Variants in NCKAP1L observed in about 807,000 individuals in gnomAD.
The protein encoded by NCKAP1L is NCK associated protein 1 like.
NCKAP1L carries 53 observed loss-of-function variants against 139.2 expected under a neutral mutation model. The observed-to-expected ratio is 0.38, with a 90% CI of 0.31 to 0.48. The LOEUF (loss-of-function observed/expected upper bound fraction) is 0.48. Ranked by LOEUF, NCKAP1L falls within the 20% of genes least tolerant of loss-of-function variation. NCKAP1L has a pLI of 0.98. For missense variants in NCKAP1L, 1,151 were observed against 1,381.9 expected (o/e 0.83, Z 2.65); for synonymous variants, 468 against 499.7 (o/e 0.94, Z 0.85).
At chr12:54,535,520 T>C (rs1957108060) in intron 27 of NCKAP1L, among the ~76,000 whole-genome samples, 1 of 152,170 alleles carries the variant, frequency 6.6e-6, no homozygotes, top group South Asian at 2.1e-4. Context: ...AATAAATTAA[T>C]GCAAATGAAA....
intron 18 of NCKAP1L, among the ~76,000 whole-genome samples, chr12:54,522,409 G>T (rs942171436): frequency 2.6e-5 from 4 of 152,156 alleles, no homozygotes; most frequent in Non-Finnish European, 5.9e-5. Flanking sequence ...AACATGATGC[G>T]AATAATTTTC....
Position 54,517,940 on chromosome 12 carries a change from TATG to T in NCKAP1L, c.1338+5_1338+7del, listed in dbSNP as rs1565676914. On this transcript the variant is annotated splice_donor_5th_base_variant and intron_variant, in intron 13 of 30. Coordinates refer to ENST00000293373, the MANE Select transcript of NCKAP1L (RefSeq NM_005337.5). ...CTTGTGCTCAGTGACATCATTCAGGTATGATATTTAATTGATTATACTTTGGAA... is the reference window on the plus strand; with the variant it reads ...CTTGTGCTCAGTGACATCATTCAGGTATATTTAATTGATTATACTTTGGAA... 6.2e-7 allele frequency: 1 copy of T among 1,614,058 alleles called. No homozygotes were observed. The highest frequency in any genetic ancestry group is 2.2e-5 in the East Asian group (1 of 44,880).
intron 28 of NCKAP1L, 164 bp downstream of exon 28, chr12:54,536,409 T>A (rs768232918): frequency 7.3e-6 from 4 of 546,540 alleles, no homozygotes; most frequent in Non-Finnish European, 1.3e-5. Context: ...CCTGTAATCC[T>A]AGCACTTTGG....
chr12:54,523,411 T>G lies in NCKAP1L; in HGVS notation c.1896T>G (p.Cys632Trp). ...NLSEQLLPKH[C>W]ATTISKAKNK... is the part of the protein sequence containing the mutation. Reference sequence around the variant, plus strand: ...TTCTGAAGCTTCTACCTAAGCACTGTGCCACTACAATCAGCAAAGCCAAGA... The same window carrying G: ...TTCTGAAGCTTCTACCTAAGCACTGGGCCACTACAATCAGCAAAGCCAAGA... Residue 632 changes from cysteine (C) to tryptophan (W), a missense_variant, in exon 19 of 31, where the codon TGT becomes TGG. Transcript: ENST00000293373. 6.2e-7 allele frequency: 1 copy of G among 1,614,036 alleles called. No homozygotes were observed. Among genetic ancestry groups the G allele is most frequent in the Non-Finnish European group, 8.5e-7 (1 of 1,179,990 alleles).
At position 54,537,015 on chromosome 12, in the gene NCKAP1L, A is replaced by T; in HGVS notation, c.3145A>T (p.Asn1049Tyr). The change falls in exon 29 of 31, where the codon AAC (asparagine) becomes TAC (tyrosine). Residue 1049 changes from asparagine to tyrosine, a missense_variant. Transcript: ENST00000293373. ...QVSAALFTLY[N>Y]KNIETHLKEF... ...GTCTGCTGCCCTCTTCACGCTCTACAACAAGAACATTGAAACTCACCTCAA... is the reference window on the plus strand; with the variant it reads ...GTCTGCTGCCCTCTTCACGCTCTACTACAAGAACATTGAAACTCACCTCAA... 6.2e-7 allele frequency: 1 copy of T among 1,613,580 alleles called. No individual in the cohort carries two copies. The highest frequency in any genetic ancestry group is 8.5e-7 in the Non-Finnish European group (1 of 1,179,600).
In NCKAP1L at chr12:54,508,501, A is replaced by C. The variant is rs200217462; in HGVS notation, c.476A>C (p.Asn159Thr). 6.2e-7 allele frequency: 1 copy of C among 1,614,028 alleles called. No individual in the cohort carries two copies. The highest frequency in any genetic ancestry group is 8.5e-7 in the Non-Finnish European group (1 of 1,179,996). ...EDRRILIGMY[N>T]CAHEMLHGHG... is the part of the protein sequence containing the mutation. ...CGGCGGATACTCATTGGCATGTACA[A>C]TTGTGCCCATGAGATGCTGCATGGG... is the stretch of plus-strand genomic sequence containing the variant. Residue 159 changes from asparagine (N) to threonine (T), a missense_variant, in exon 5 of 31, where the codon AAT (asparagine) becomes ACT (threonine). Coordinates refer to ENST00000293373, the MANE Select transcript of NCKAP1L (RefSeq NM_005337.5).
chr12:54,506,794 AAAATATAT>A (rs1190878371), intron 3 of NCKAP1L, among the ~76,000 whole-genome samples: 2 of 23,748 alleles, frequency 8.4e-5, no homozygotes, highest in East Asian at 7.2e-3. Context: ...TTAAAAAAAA[AAAATATAT>A]ATATATATAT....
intron 16 of NCKAP1L, among the ~76,000 whole-genome samples, chr12:54,519,829 G>A (rs1956967503): frequency 6.6e-6 from 1 of 150,790 alleles, no homozygotes; most frequent in Non-Finnish European, 1.5e-5. Flanking sequence ...GGGGTAGTTA[G>A]CCCATATGTC....
intron 16 of NCKAP1L, among the ~76,000 whole-genome samples, chr12:54,520,060 A>G (rs1050390219): frequency 2.6e-5 from 4 of 152,222 alleles, no homozygotes; most frequent in Non-Finnish European, 5.9e-5. Context: ...ACTGTTGTAC[A>G]TAATTCCACC....
intron 22 of NCKAP1L, among the ~76,000 whole-genome samples, chr12:54,529,820 A>C (rs1957053623): frequency 1.3e-5 from 2 of 152,166 alleles, no homozygotes; most frequent in Non-Finnish European, 2.9e-5. Context: ...GATAGATGGA[A>C]AGAGAAGGAT....
intron 30 of NCKAP1L, among the ~76,000 whole-genome samples, chr12:54,541,874 G>A (rs1957160763): frequency 1.3e-5 from 2 of 151,918 alleles, no homozygotes; most frequent in Admixed American, 1.3e-4. Flanking sequence ...TCAGGGATGG[G>A]GACCCTCCAG....
At chr12:54,527,184 A>G (rs529722724) in intron 21 of NCKAP1L, among the ~76,000 whole-genome samples, 2 of 152,274 alleles carry the variant, frequency 1.3e-5, no homozygotes, top group Admixed American at 6.5e-5. Flanking sequence ...TGTTCTTAAT[A>G]GAGAAGGGAG....
intron 3 of NCKAP1L, among the ~76,000 whole-genome samples, chr12:54,505,927 G>T (rs1323819849): frequency 6.6e-6 from 1 of 152,214 alleles, no homozygotes; most frequent in Non-Finnish European, 1.5e-5. Flanking sequence ...CTCCCAAAGT[G>T]CTGGGATTAC....
In NCKAP1L at chr12:54,545,225, T is replaced by C. The variant is rs1225461353; in HGVS notation, c.*2540T>C. 6 of 152,374 alleles carry C rather than the reference T, an allele frequency of 3.9e-5. No homozygotes were observed. The East Asian group carries it at 1.2e-3, about 29-fold the overall frequency. The allele number at this position is 152,374 out of a possible 1,614,324, so 9.4% of individuals were successfully genotyped here. On this transcript the variant is annotated 3_prime_UTR_variant, in exon 31 of 31. Coordinates refer to ENST00000293373, the MANE Select transcript of NCKAP1L (RefSeq NM_005337.5). ...TACACACATATTTCTCTACCACTTATACTTTTTCAAAGTGCTTTCACATCC... is the reference window on the plus strand; with the variant it reads ...TACACACATATTTCTCTACCACTTACACTTTTTCAAAGTGCTTTCACATCC...
Position 54,531,740 on chromosome 12 carries a change from CAG to C in NCKAP1L, c.2699-2_2699-1del, listed in dbSNP as rs773764773. The C allele has an allele frequency of 1.9e-6, 3 of 1,610,646 alleles. No homozygotes were observed. The highest frequency in any genetic ancestry group is 1.7e-6 in the Non-Finnish European group (2 of 1,177,062). Reference sequence around the variant, plus strand: ...CTTTTCTAACACGCTTCTTTCTCCTCAGGGGCTGAAAATGTGCTAAAGCGCAT... The same window carrying C: ...CTTTTCTAACACGCTTCTTTCTCCTCGGGCTGAAAATGTGCTAAAGCGCAT... On this transcript the variant is annotated splice_acceptor_variant, in intron 24 of 30. Transcript: ENST00000293373. LOFTEE classifies it high-confidence loss of function.
In NCKAP1L at chr12:54,532,175, C is replaced by A; in HGVS notation, c.2787C>A (p.Phe929Leu). ...TTATCTTCTCTTTCCTCCAGGTTTT[C>A]TCCTCCCACTGCCCATTTCTTATGG... ...AMAQEGLREV[F>L]SSHCPFLMGP... Residue 929 changes from phenylalanine to leucine, a missense_variant, in exon 26 of 31, where the codon TTC becomes TTA. Phe to Leu is a conservative substitution (Grantham distance 22). Coordinates refer to ENST00000293373, the MANE Select transcript of NCKAP1L (RefSeq NM_005337.5). 1 of 1,606,622 alleles carries A rather than the reference C, an allele frequency of 6.2e-7. No homozygotes were observed. The highest frequency in any genetic ancestry group is 1.1e-5 in the South Asian group (1 of 90,230).
Position 54,536,966 on chromosome 12 carries a change from C to T in NCKAP1L, c.3096C>T (p.Cys1032=), listed in dbSNP as rs1425537751. 1 of 1,612,828 alleles carries T rather than the reference C, an allele frequency of 6.2e-7. No homozygotes were observed. Among genetic ancestry groups the T allele is most frequent in the African/African-American group, 1.3e-5 (1 of 74,988 alleles). Residue 1032 remains cysteine, a synonymous_variant, in exon 29 of 31, where the codon TGC becomes TGT. Transcript: ENST00000293373. ...TAGGTTACAACAACAATATTCATTG[C>T]TTGACCAAAGCCATCATCCAGGTGT... is the stretch of plus-strand genomic sequence containing the variant. ...EKDGYNNNIH[C]LTKAIIQVSA...
rs936468907 is a variant in NCKAP1L at position 54,547,490 on chromosome 12, T to G, written c.*4805T>G. 8.4e-6 allele frequency: 1 copy of G among 119,068 alleles called. No homozygotes were observed. Among genetic ancestry groups the G allele is most frequent in the Admixed American group, 9.2e-5 (1 of 10,880 alleles). 7.4% of individuals were successfully genotyped at this position (119,068 alleles called of 1,614,324 possible). A position where few individuals can be genotyped will look rare whatever the true frequency, so the allele number is the denominator to read the frequency against. On this transcript the variant is annotated 3_prime_UTR_variant, in exon 31 of 31. Transcript: ENST00000293373. ...TCTAATGTCTCTTTCACGAATAACTTTGTGTGTGTGTGCGTGTGTGTGTGT... is the reference window on the plus strand; with the variant it reads ...TCTAATGTCTCTTTCACGAATAACTGTGTGTGTGTGTGCGTGTGTGTGTGT...
rs1453211623 is a variant in NCKAP1L at position 54,497,767 on chromosome 12, G to C, written c.-23G>C. ...TGGGGAGATCAGACATTGCTGTCTG[G>C]TGCTCCTCTCTCAGTGGCCATCATG... is the stretch of plus-strand genomic sequence containing the variant. On this transcript the variant is annotated 5_prime_UTR_variant, in exon 1 of 31. Coordinates refer to ENST00000293373, the MANE Select transcript of NCKAP1L (RefSeq NM_005337.5). 1 of 1,493,330 alleles carries C rather than the reference G, an allele frequency of 6.7e-7. No individual in the cohort carries two copies. Among genetic ancestry groups the C allele is most frequent in the East Asian group, 2.3e-5 (1 of 44,294 alleles). 92.5% of individuals were successfully genotyped at this position (1,493,330 alleles called of 1,614,324 possible). A position where few individuals can be genotyped will look rare whatever the true frequency, so the allele number is the denominator to read the frequency against.
Sources: gnomAD v4.1 joint callset for allele counts (sites outside exome capture counted in the v4.1 genomes callset) on GRCh38, gnomAD v4.1.1 for gene constraint, MANE v1.5 for transcripts, NCBI Gene and HGNC (gene_info 2026-07-23, HGNC 2026-07-21) for gene names.